SYTL3: variants seen among roughly 807,000 people sequenced by gnomAD.
SYTL3 encodes synaptotagmin-like protein 3.
A neutral mutation model predicts 82.1 loss-of-function variants in SYTL3; 88 were observed. The observed-to-expected ratio is 1.07, with a 90% CI of 0.90 to 1.28. The LOEUF (loss-of-function observed/expected upper bound fraction) is 1.28, where lower values mean the gene tolerates loss of function less well. SYTL3 is among the 50% of genes most tolerant of loss of function. SYTL3 has a pLI of 0.00. For missense variants in SYTL3, 831 were observed against 757.6 expected (o/e 1.10, Z -1.14); for synonymous variants, 311 against 289.4 (o/e 1.07, Z -0.76).
chr6:158,680,490 G>A (rs1196929169), intron 5 of SYTL3, among the ~76,000 whole-genome samples: 1 of 146,892 alleles, frequency 6.8e-6, no homozygotes, highest in Non-Finnish European at 1.5e-5. Context: ...TGTAATCCCA[G>A]CACTTTGGGA....
rs142685399 is a variant in SYTL3, at chr6:158,682,744, T to TA, written c.330-180dup. Among the ~76,000 whole-genome samples the TA allele has an allele frequency of 8.4e-3, 1,282 of 152,352 alleles. 9 individuals are homozygous for TA. The highest frequency in any genetic ancestry group is 0.021 in the South Asian group (99 of 4,828). Reference sequence around the variant, plus strand: ...GGGAGTTGCACAGCTTTGCTGCTGATACTGAAATCACTTCGCCTCTATGGG... The same window carrying TA: ...GGGAGTTGCACAGCTTTGCTGCTGATAACTGAAATCACTTCGCCTCTATGGG... On this transcript the variant is annotated intron_variant, in intron 5 of 17. Transcript: ENST00000611299.
At chr6:158,705,561 C>T (rs543041705) in intron 6 of SYTL3, among the ~76,000 whole-genome samples, 18 of 127,702 alleles carry the variant, frequency 1.4e-4, no homozygotes, top group African/African-American at 5.5e-4. Flanking sequence ...TCACATAGAG[C>T]AGCGGGGGGG....
upstream of SYTL3, among the ~76,000 whole-genome samples, chr6:158,649,706 A>C (rs903722203): frequency 6.6e-6 from 1 of 152,216 alleles, no homozygotes. Context: ...AGTCATTTAC[A>C]CTGAAGTCAA....
intron 6 of SYTL3, among the ~76,000 whole-genome samples, chr6:158,688,616 T>C (rs1779537334): frequency 1.3e-5 from 2 of 152,100 alleles, no homozygotes; most frequent in Non-Finnish European, 2.9e-5. Flanking sequence ...TAAATGAAAT[T>C]AAAAAATTAA....
intron 10 of SYTL3, among the ~76,000 whole-genome samples, chr6:158,724,820 G>A (rs1170842349): frequency 6.6e-6 from 1 of 152,182 alleles, no homozygotes; most frequent in Non-Finnish European, 1.5e-5. Context: ...TTTGAGGTCA[G>A]CCTGACCAAC....
At chr6:158,657,346 A>C (rs1788796273) in intron 2 of SYTL3, among the ~76,000 whole-genome samples, 1 of 150,148 alleles carries the variant, frequency 6.7e-6, no homozygotes, top group South Asian at 2.1e-4. Context: ...GAATCGCTGG[A>C]ACCTGGGAGG....
intron 10 of SYTL3, among the ~76,000 whole-genome samples, chr6:158,722,543 G>C (rs1311918555): frequency 6.6e-6 from 1 of 151,970 alleles, no homozygotes; most frequent in Non-Finnish European, 1.5e-5. Context: ...TAAGCATCTG[G>C]GCCAGAATTC....
intron 6 of SYTL3, among the ~76,000 whole-genome samples, chr6:158,693,763 G>A (rs1303129960): frequency 5.3e-5 from 7 of 131,306 alleles, no homozygotes; most frequent in South Asian, 2.1e-4. Context: ...GGCTGGTCTC[G>A]AACTCCTGAG....
At chr6:158,761,850 ATCCC>A (rs1790019726) in intron 15 of SYTL3, among the ~76,000 whole-genome samples, 1 of 151,826 alleles carries the variant, frequency 6.6e-6, no homozygotes, top group Non-Finnish European at 1.5e-5. Context: ...GATCTTAGTA[ATCCC>A]TCCATCCTGT....
chr6:158,730,722 G>A (rs906313926), intron 11 of SYTL3, among the ~76,000 whole-genome samples: 1 of 152,196 alleles, frequency 6.6e-6, no homozygotes, highest in Non-Finnish European at 1.5e-5. Context: ...AAATACCGGA[G>A]GAGCTGGTAA....
intron 11 of SYTL3, among the ~76,000 whole-genome samples, chr6:158,729,787 T>C (rs902140955): frequency 4.6e-5 from 7 of 152,126 alleles, no homozygotes; most frequent in South Asian, 2.1e-4. Flanking sequence ...AGGATGGTCT[T>C]GATCTCCTGA....
intron 9 of SYTL3, among the ~76,000 whole-genome samples, chr6:158,717,744 C>T (rs1415621195): frequency 6.6e-6 from 1 of 152,132 alleles, no homozygotes; most frequent in Non-Finnish European, 1.5e-5. Flanking sequence ...CTGCCGTCTT[C>T]GTGTTTGGAT....
chr6:158,660,994 G>C (rs931755183), intron 2 of SYTL3, among the ~76,000 whole-genome samples: 6 of 152,218 alleles, frequency 3.9e-5, no homozygotes, highest in African/African-American at 1.4e-4. Flanking sequence ...GGCCAAGGCT[G>C]CAGTGAGCCA....
At chr6:158,716,843 A>G (rs1783484439) in intron 9 of SYTL3, among the ~76,000 whole-genome samples, 1 of 152,220 alleles carries the variant, frequency 6.6e-6, no homozygotes, top group Non-Finnish European at 1.5e-5. Flanking sequence ...CCCCTGAAAT[A>G]GGGCTGCAAG....
chr6:158,672,262 G>T (rs1265556739), intron 5 of SYTL3, among the ~76,000 whole-genome samples: 1 of 152,194 alleles, frequency 6.6e-6, no homozygotes, highest in Non-Finnish European at 1.5e-5. Context: ...CTGCACTCCA[G>T]CCTGGGCGAC....
Position 158,763,184 on chromosome 6 carries a change from G to A in SYTL3, c.1518-120G>A. On this transcript the variant is annotated intron_variant, in intron 16 of 17. Transcript: ENST00000611299. ...GTTCCCACCCTGCTTCACTGGGGAG[G>A]GTGTGGATGTTGTGGACTTGGCACT... The A allele has an allele frequency of 5.6e-6, 5 of 891,510 alleles. No homozygotes were observed. In the South Asian group the frequency reaches 6.0e-5, roughly 11 times the overall value. 55.2% of individuals were successfully genotyped at this position (891,510 alleles called of 1,614,324 possible).
intron 13 of SYTL3, among the ~76,000 whole-genome samples, chr6:158,752,820 A>G (rs3123095): frequency 0.49 from 74,262 of 152,058 alleles, 18,907 homozygotes; most frequent in African/African-American, 0.56. Flanking sequence ...GCTGCCAGCC[A>G]GGGGCCATCT....
At chr6:158,740,879 T>C (rs553937143) in intron 11 of SYTL3, among the ~76,000 whole-genome samples, 33 of 152,308 alleles carry the variant, frequency 2.2e-4, no homozygotes, top group Non-Finnish European at 3.4e-4. Flanking sequence ...AGTTTGTTTA[T>C]TCCTGTACCA....
chr6:158,742,142 AAAAT>A (rs1382935781), intron 11 of SYTL3, among the ~76,000 whole-genome samples: 1 of 152,260 alleles, frequency 6.6e-6, no homozygotes, highest in Non-Finnish European at 1.5e-5. Flanking sequence ...TCCATAGTCT[AAAAT>A]AAACATAAAC....
Sources: allele counts gnomAD v4.1 joint callset (sites outside exome capture counted in the v4.1 genomes callset), GRCh38; gene constraint gnomAD v4.1.1; transcripts MANE v1.5; gene names NCBI Gene and HGNC (gene_info 2026-07-23, HGNC 2026-07-21).